RGS5: variants seen among roughly 807,000 people sequenced by gnomAD.
RGS5 encodes regulator of G-protein signalling 5.
RGS5 carries 20 observed loss-of-function variants against 18.9 expected under a neutral mutation model. The observed-to-expected ratio is 1.06, with a 90% CI of 0.74 to 1.54. The LOEUF is 1.54. RGS5 is among the 40% of genes most tolerant of loss of function. The pLI is 0.00. For synonymous variants in RGS5, 57 were observed against 76.2 expected (o/e 0.75, Z 1.31); for missense variants, 201 against 211.8 (o/e 0.95, Z 0.32).
intron 2 of RGS5, among the ~76,000 whole-genome samples, chr1:163,290,572 C>A (rs1649256589): frequency 6.7e-6 from 1 of 150,164 alleles, no homozygotes; most frequent in South Asian, 2.1e-4. Context: ...TAATAAACCC[C>A]ACATTAATAT....
intron 2 of RGS5, among the ~76,000 whole-genome samples, chr1:163,290,959 T>C (rs578238050): frequency 6.6e-6 from 1 of 152,226 alleles, no homozygotes; most frequent in East Asian, 1.9e-4. Flanking sequence ...AGGAGTTTAA[T>C]AATTTAAAAT....
At chr1:163,285,699 C>T (rs1465193114) in intron 2 of RGS5, among the ~76,000 whole-genome samples, 3 of 151,996 alleles carry the variant, frequency 2.0e-5, no homozygotes, top group South Asian at 4.2e-4. Flanking sequence ...ATCAGGGGAG[C>T]GAACTTAATC....
At chr1:163,321,594 A>T (rs959646528) in intron 1 of RGS5, 7 of 152,308 alleles carry the variant, frequency 4.6e-5, no homozygotes, top group African/African-American at 1.4e-4. Flanking sequence ...TCAACAAGTT[A>T]TTATTACTCT....
chr1:163,188,053 G>A (rs1007781558), intron 1 of RGS5, among the ~76,000 whole-genome samples: 1 of 152,132 alleles, frequency 6.6e-6, no homozygotes, highest in Non-Finnish European at 1.5e-5. Flanking sequence ...TGTTGTGGTG[G>A]TGTGAGAGCA....
chr1:163,207,498 G>A (rs930259106), upstream of RGS5, among the ~76,000 whole-genome samples: 2 of 151,998 alleles, frequency 1.3e-5, no homozygotes, highest in African/African-American at 4.8e-5. Flanking sequence ...CACTTGCCAG[G>A]CTTTAATTTT....
At chr1:163,250,372 GAACCC>G (rs1257261932) in intron 2 of RGS5, among the ~76,000 whole-genome samples, 1 of 152,160 alleles carries the variant, frequency 6.6e-6, no homozygotes, top group Non-Finnish European at 1.5e-5. Context: ...AATATATCTT[GAACCC>G]AATTATGAAT....
At chr1:163,279,493 A>G (rs1648937823) in intron 2 of RGS5, among the ~76,000 whole-genome samples, 1 of 151,998 alleles carries the variant, frequency 6.6e-6, no homozygotes, top group Non-Finnish European at 1.5e-5. Flanking sequence ...AAAGCACAAC[A>G]TATAAAAACC....
intron 2 of RGS5, among the ~76,000 whole-genome samples, chr1:163,280,203 T>TA (rs34131896): frequency 3.3e-5 from 5 of 151,080 alleles, no homozygotes; most frequent in East Asian, 2.0e-4. Flanking sequence ...AGGCACAAAT[T>TA]AAAAAAAAAC....
intron 2 of RGS5, among the ~76,000 whole-genome samples, chr1:163,222,752 G>T (rs963799468): frequency 6.6e-6 from 1 of 152,182 alleles, no homozygotes; most frequent in African/African-American, 2.4e-5. Flanking sequence ...GTTAAAGACA[G>T]GGGTTCTTTG....
rs1460485914 is a variant in RGS5, at chr1:163,144,278, T to C, written c.*3064A>G. The C allele has an allele frequency of 6.6e-6, 1 of 152,158 alleles. No homozygotes were observed. The highest frequency in any genetic ancestry group is 2.4e-5 in the African/African-American group (1 of 41,450). 9.4% of individuals were successfully genotyped at this position (152,158 alleles called of 1,614,324 possible). A position where few individuals can be genotyped will look rare whatever the true frequency, so the allele number is the denominator to read the frequency against. ...TCACATGCTTGAAGGCTATTCACAC[T>C]GCTTTAACAAATAAACATGGAACAT... On this transcript the variant is annotated 3_prime_UTR_variant, in exon 5 of 5. Coordinates refer to ENST00000313961, the MANE Select transcript of RGS5 (RefSeq NM_003617.4).
At chr1:163,245,571 T>A (rs939270081) in intron 2 of RGS5, among the ~76,000 whole-genome samples, 2 of 152,208 alleles carry the variant, frequency 1.3e-5, no homozygotes, top group Non-Finnish European at 2.9e-5. Flanking sequence ...TCATCTGAAA[T>A]GCCTGGCATA....
chr1:163,252,034 C>T (rs1557919975), intron 2 of RGS5, among the ~76,000 whole-genome samples: 1 of 152,094 alleles, frequency 6.6e-6, no homozygotes, highest in Admixed American at 6.5e-5. Flanking sequence ...AACATGATTG[C>T]TGGGTTGTAT....
At chr1:163,161,251 T>C (rs1471204977) in intron 3 of RGS5, among the ~76,000 whole-genome samples, 1 of 152,186 alleles carries the variant, frequency 6.6e-6, no homozygotes, top group African/African-American at 2.4e-5. Context: ...ATGGTGATCT[T>C]GAACATCAGA....
chr1:163,234,297 T>A (rs1464694177), intron 2 of RGS5, among the ~76,000 whole-genome samples: 1 of 152,160 alleles, frequency 6.6e-6, no homozygotes, highest in East Asian at 1.9e-4. Context: ...TTTTTACACA[T>A]CTATTGAGAT....
intron 2 of RGS5, among the ~76,000 whole-genome samples, chr1:163,289,942 T>C (rs1042161424): frequency 8.5e-5 from 13 of 152,216 alleles, no homozygotes; most frequent in African/African-American, 2.7e-4. Flanking sequence ...CTGGCAGCTA[T>C]GCCAATAGAA....
rs1649688140 is a variant in RGS5 at position 163,306,018 on chromosome 1, A to G, written c.-281+215T>C. 3.3e-5 allele frequency among the ~76,000 whole-genome samples: 5 copies of G among 152,190 alleles called. No homozygotes were observed. The South Asian group carries it at 1.0e-3, about 32-fold the overall frequency. On this transcript the variant is annotated intron_variant, in intron 2 of 5. Coordinates refer to the RGS5 transcript ENST00000618415. ...ATTTTTTTTAATCTTTTTTATGACT[A>G]TACATCTTAAACAGTTTCACCATTA...
At chr1:163,232,198 G>T (rs917365730) in intron 2 of RGS5, among the ~76,000 whole-genome samples, 10 of 152,160 alleles carry the variant, frequency 6.6e-5, no homozygotes, top group Admixed American at 3.9e-4. Context: ...GTTTTTGCTA[G>T]AAGGCTAAGG....
chr1:163,229,038 A>G (rs1557912592), intron 2 of RGS5, among the ~76,000 whole-genome samples: 1 of 151,982 alleles, frequency 6.6e-6, no homozygotes, highest in African/African-American at 2.4e-5. Context: ...AACTGTTCCA[A>G]CCTCTGCCTG....
intron 3 of RGS5, among the ~76,000 whole-genome samples, chr1:163,157,381 G>C (rs1484583178): frequency 6.6e-6 from 1 of 152,204 alleles, no homozygotes; most frequent in Non-Finnish European, 1.5e-5. Context: ...CATGTAGGAA[G>C]TTGATATACT....
Sources: allele counts gnomAD v4.1 joint callset (sites outside exome capture counted in the v4.1 genomes callset), GRCh38; gene constraint gnomAD v4.1.1; transcripts MANE v1.5; gene names NCBI Gene and HGNC (gene_info 2026-07-23, HGNC 2026-07-21).